The following EIF3M variants were observed in gnomAD, a reference collection of about 807,000 sequenced individuals.
EIF3M encodes eukaryotic translation initiation factor 3 subunit M, also known as B5 receptor.
In EIF3M, 25 loss-of-function variants were observed where a neutral mutation model predicts 49.7. That is an observed-to-expected ratio of 0.50 (90% CI 0.37 to 0.70). EIF3M has a LOEUF of 0.70. Among genes scored for constraint, EIF3M ranks in the 30% least tolerant of loss-of-function variants. EIF3M has a pLI of 0.00. For missense variants in EIF3M, 350 were observed against 440.0 expected, an observed-to-expected ratio of 0.80 and a Z score of 1.83; for synonymous variants, 156 against 149.8, an observed-to-expected ratio of 1.04 and a Z score of -0.30.
intron 1 of EIF3M, chr11:32,584,404 G>C (rs957461930): frequency 1.8e-5 from 3 of 164,914 alleles, no homozygotes; most frequent in Non-Finnish European, 4.0e-5. Context: ...TCAGGAGATC[G>C]AGACCATCCT....
chr11:32,586,510 T>C (rs1399525278), intron 1 of EIF3M, among the ~76,000 whole-genome samples: 1 of 152,260 alleles, frequency 6.6e-6, no homozygotes, highest in Non-Finnish European at 1.5e-5. Flanking sequence ...ACCAAAATGC[T>C]TATCTCAAAT....
chr11:32,588,503 T>A lies in EIF3M; in HGVS notation c.176-91T>A, dbSNP rs1590513832. On this transcript the variant is annotated intron_variant, in intron 2 of 10. Transcript: ENST00000531120. Reference sequence around the variant, plus strand: ...GAAAGTGTCTTACATTTGATGGTCTTCATTGTATTAAAACACTGGAAATGC... The same window carrying A: ...GAAAGTGTCTTACATTTGATGGTCTACATTGTATTAAAACACTGGAAATGC... 2.0e-5 allele frequency: 29 copies of A among 1,443,674 alleles called. No homozygotes were observed. The East Asian group carries it at 6.7e-4, about 34-fold the overall frequency. 89.4% of individuals were successfully genotyped at this position (1,443,674 alleles called of 1,614,324 possible).
At chr11:32,593,255 A>G (rs1161827503) in intron 5 of EIF3M, among the ~76,000 whole-genome samples, 3 of 152,252 alleles carry the variant, frequency 2.0e-5, no homozygotes, top group Non-Finnish European at 4.4e-5. Flanking sequence ...ACATTTTCTA[A>G]AAGTCCAGTT....
At chr11:32,594,091 T>C in intron 6 of EIF3M, 142 bp downstream of exon 6, 3 of 465,772 alleles carry the variant, frequency 6.4e-6, no homozygotes, top group South Asian at 8.8e-5. Flanking sequence ...GTGATTCTAA[T>C]GTAGATACTA....
chr11:32,592,136 C>T (rs1435873612), intron 5 of EIF3M: 2 of 342,884 alleles, frequency 5.8e-6, no homozygotes, highest in Non-Finnish European at 5.6e-6. Context: ...ACCATATCCT[C>T]CTCTTCCACC....
chr11:32,603,627 G>A lies in EIF3M; in HGVS notation c.*1228G>A, dbSNP rs763088717. The stretch of plus-strand genomic sequence containing the variant: ...AGGTCATTAAAAACAATTGTCTATG[G>A]CTGCAAAATACTCCCTTTTATGGAT... On this transcript the variant is annotated 3_prime_UTR_variant, in exon 11 of 11. Coordinates refer to ENST00000531120, the MANE Select transcript of EIF3M (RefSeq NM_006360.6). The A allele has an allele frequency of 2.0e-5, 3 of 151,996 alleles. No homozygotes were observed. The highest frequency in any genetic ancestry group is 1.5e-5 in the Non-Finnish European group (1 of 68,026). 9.4% of individuals were successfully genotyped at this position (151,996 alleles called of 1,614,324 possible).
chr11:32,591,055 T>C (rs112282948), intron 5 of EIF3M, among the ~76,000 whole-genome samples: 4,563 of 152,248 alleles, frequency 0.03, 89 homozygotes, highest in Non-Finnish European at 0.04. Context: ...TTCACCGTGT[T>C]AGTCAGGATG....
At position 32,589,153 on chromosome 11, in the gene EIF3M, A is replaced by G; in HGVS notation, c.438+18A>G. On this transcript the variant is annotated intron_variant, in intron 4 of 10. Coordinates refer to ENST00000531120, the MANE Select transcript of EIF3M (RefSeq NM_006360.6). The stretch of plus-strand genomic sequence containing the variant: ...TGGATCAAGTGAGTTACTGTGTGGA[A>G]TAGTTGTTCTGCTTATAAGAAATGT... 1.2e-6 allele frequency: 2 copies of G among 1,607,486 alleles called. No individual in the cohort carries two copies. Among genetic ancestry groups the G allele is most frequent in the South Asian group, 1.1e-5 (1 of 89,530 alleles).
At position 32,602,443 on chromosome 11, in the gene EIF3M, A is replaced by AATC; in HGVS notation, c.*47_*49dup. On this transcript the variant is annotated 3_prime_UTR_variant, in exon 11 of 11. Coordinates refer to ENST00000531120, the MANE Select transcript of EIF3M (RefSeq NM_006360.6). The stretch of plus-strand genomic sequence containing the variant: ...TTTGTTCTTTGAAAAAAAAGCCCTA[A>AATC]ATCATAGTAAAACATTATAAACTAA... 1 of 1,592,908 alleles carries AATC rather than the reference A, an allele frequency of 6.3e-7. No individual in the cohort carries two copies. Among genetic ancestry groups the AATC allele is most frequent in the Non-Finnish European group, 8.5e-7 (1 of 1,170,210 alleles).
chr11:32,602,842 T>C lies in EIF3M; in HGVS notation c.*443T>C. On this transcript the variant is annotated 3_prime_UTR_variant, in exon 11 of 11. Transcript: ENST00000531120. ...TAATCTGTTGTTTTTTTCCAACGTC[T>C]CTTCTGCTTTTCTTTTCTTTGGCTG... is the stretch of plus-strand genomic sequence containing the variant. The C allele has an allele frequency of 6.2e-7, 1 of 1,606,926 alleles. No homozygotes were observed. Among genetic ancestry groups the C allele is most frequent in the Non-Finnish European group, 8.5e-7 (1 of 1,177,126 alleles).
At chr11:32,584,068 G>A (rs1390145283) in intron 1 of EIF3M, 139 bp downstream of exon 1, 4 of 1,169,796 alleles carry the variant, frequency 3.4e-6, no homozygotes, top group Admixed American at 4.7e-5. Context: ...GAGGCCGGTG[G>A]CTGGGGCGCG....
intron 2 of EIF3M, 36 bp from the exon 3 acceptor site, chr11:32,588,558 G>A: frequency 1.9e-6 from 3 of 1,605,264 alleles, no homozygotes; most frequent in African/African-American, 2.7e-5. Flanking sequence ...GAGTATTGTA[G>A]TATCACTGTT....
intron 8 of EIF3M, 30 bp downstream of exon 8, chr11:32,596,077 C>T (rs746596193): frequency 6.7e-7 from 1 of 1,490,254 alleles, no homozygotes; most frequent in East Asian, 2.4e-5. Context: ...CTTTGAGGCA[C>T]AGAGGTGGGA....
At position 32,603,218 on chromosome 11, in the gene EIF3M, T is replaced by C. The variant is rs945294906; in HGVS notation, c.*819T>C. ...TGTAGTAGATCTTCAAAATCTCTAA[T>C]ATATAACTGAAGTAAAGTGTACAAA... On this transcript the variant is annotated 3_prime_UTR_variant, in exon 11 of 11. Transcript: ENST00000531120. 8 of 487,518 alleles carry C rather than the reference T, an allele frequency of 1.6e-5. No homozygotes were observed. In the South Asian group the frequency reaches 3.1e-4, roughly 19 times the overall value. The allele number at this position is 487,518 out of a possible 1,614,324, so 30.2% of individuals were successfully genotyped here. A position where few individuals can be genotyped will look rare whatever the true frequency, so the allele number is the denominator to read the frequency against.
chr11:32,602,506 T>G lies in EIF3M; in HGVS notation c.*107T>G, dbSNP rs1565052441. 3.8e-6 allele frequency: 5 copies of G among 1,329,850 alleles called. No homozygotes were observed. Among genetic ancestry groups the G allele is most frequent in the Non-Finnish European group, 5.0e-6 (5 of 992,864 alleles). 82.4% of individuals were successfully genotyped at this position (1,329,850 alleles called of 1,614,324 possible). On this transcript the variant is annotated 3_prime_UTR_variant, in exon 11 of 11. Coordinates refer to ENST00000531120, the MANE Select transcript of EIF3M (RefSeq NM_006360.6). ...AGTCTGGACAGTTATTGTCTCAAAT[T>G]TATACTAAAATCACAAACTCCAGAG...
At chr11:32,591,583 A>G (rs1301398795) in intron 5 of EIF3M, among the ~76,000 whole-genome samples, 4 of 152,186 alleles carry the variant, frequency 2.6e-5, no homozygotes, top group South Asian at 4.1e-4. Context: ...ACTTTTTGCA[A>G]CCTGTAGCTA....
intron 1 of EIF3M, 154 bp downstream of exon 1, chr11:32,584,083 C>T (rs1482729481): frequency 9.8e-7 from 1 of 1,015,574 alleles, no homozygotes; most frequent in Non-Finnish European, 1.4e-6. Flanking sequence ...GGCGCGCGTT[C>T]CTGGCCTCGA....
intron 7 of EIF3M, among the ~76,000 whole-genome samples, chr11:32,595,735 C>T (rs1474247311): frequency 6.6e-6 from 1 of 152,170 alleles, no homozygotes; most frequent in Non-Finnish European, 1.5e-5. Flanking sequence ...TAGCCATCAT[C>T]TTTCAGTGTG....
chr11:32,591,312 C>T (rs757103842), intron 5 of EIF3M, among the ~76,000 whole-genome samples: 5 of 152,170 alleles, frequency 3.3e-5, no homozygotes, highest in Non-Finnish European at 7.3e-5. Flanking sequence ...TACAGTGTGG[C>T]ACAAGATAAC....
Sources: gnomAD v4.1 joint callset for allele counts (sites outside exome capture counted in the v4.1 genomes callset) on GRCh38, gnomAD v4.1.1 for gene constraint, MANE v1.5 for transcripts, NCBI Gene and HGNC (gene_info 2026-07-23, HGNC 2026-07-21) for gene names.